The following THSD7B variants were observed in gnomAD, a reference collection of about 807,000 sequenced individuals.
THSD7B encodes the protein thrombospondin type 1 domain containing 7B.
THSD7B carries 138 observed loss-of-function variants against 213.6 expected under a neutral mutation model. That is an observed-to-expected ratio of 0.65 (90% CI 0.56 to 0.74). The LOEUF (loss-of-function observed/expected upper bound fraction) is 0.74, where lower values mean the gene tolerates loss of function less well. THSD7B is among the 30% of genes least tolerant of loss of function. THSD7B has a pLI of 0.00. For synonymous variants in THSD7B, 742 were observed against 687.0 expected, an observed-to-expected ratio of 1.08 and a Z score of -1.25; for missense variants, 1,931 against 1,991.5, an observed-to-expected ratio of 0.97 and a Z score of 0.58.
chr2:137,406,449 TA>T (rs1288036440), intron 13 of THSD7B, among the ~76,000 whole-genome samples: 1 of 152,198 alleles, frequency 6.6e-6, no homozygotes, highest in African/African-American at 2.4e-5. Context: ...CGTGCCTAGA[TA>T]AAAATGCCAC....
chr2:137,184,046 G>A (rs562049773), intron 7 of THSD7B, among the ~76,000 whole-genome samples: 1 of 152,096 alleles, frequency 6.6e-6, no homozygotes, highest in Admixed American at 6.5e-5. Flanking sequence ...CCTGCATGGT[G>A]GTCAGGCATT....
At chr2:137,075,998 T>TG (rs1054262352) in intron 3 of THSD7B, among the ~76,000 whole-genome samples, 2 of 152,136 alleles carry the variant, frequency 1.3e-5, no homozygotes, top group African/African-American at 4.8e-5. Context: ...CTGCCCCTAC[T>TG]GGGGGGTGCC....
At chr2:137,124,753 G>A (rs12477067) in intron 5 of THSD7B, among the ~76,000 whole-genome samples, 23,344 of 151,948 alleles carry the variant, frequency 0.15, 1,989 homozygotes, top group Middle Eastern at 0.19. Context: ...AAAATGTTAT[G>A]TACTTATGGC....
At chr2:136,952,260 C>G (rs1218531680) in intron 2 of THSD7B, among the ~76,000 whole-genome samples, 1 of 151,978 alleles carries the variant, frequency 6.6e-6, no homozygotes, top group East Asian at 1.9e-4. Flanking sequence ...ATTACATTAA[C>G]AAAACATATT....
At chr2:137,560,684 A>T (rs1681094518) in intron 15 of THSD7B, among the ~76,000 whole-genome samples, 1 of 152,124 alleles carries the variant, frequency 6.6e-6, no homozygotes. Flanking sequence ...CACGTTGTGC[A>T]CATGTACCCT....
At chr2:137,183,489 G>T (rs1318562110) in intron 7 of THSD7B, among the ~76,000 whole-genome samples, 1 of 152,134 alleles carries the variant, frequency 6.6e-6, no homozygotes, top group Non-Finnish European at 1.5e-5. Context: ...TACAAATCAT[G>T]ATTGTAAAAA....
chr2:137,115,858 A>C (rs1688439837), intron 5 of THSD7B, among the ~76,000 whole-genome samples: 1 of 152,146 alleles, frequency 6.6e-6, no homozygotes, highest in Admixed American at 6.5e-5. Flanking sequence ...GGATAGTGAT[A>C]ATATTTAGAG....
intron 15 of THSD7B, among the ~76,000 whole-genome samples, chr2:137,540,760 G>A (rs1207857242): frequency 1.3e-5 from 2 of 151,694 alleles, no homozygotes; most frequent in Non-Finnish European, 3.0e-5. Context: ...GTAGCTACCT[G>A]AGATGGTATA....
chr2:137,653,720 G>C (rs2104814754), intron 21 of THSD7B, among the ~76,000 whole-genome samples: 1 of 150,568 alleles, frequency 6.6e-6, no homozygotes, highest in South Asian at 2.1e-4. Context: ...AGCCTCTAAT[G>C]AATTTTTCAG....
intron 5 of THSD7B, among the ~76,000 whole-genome samples, chr2:137,138,851 G>T (rs1412971367): frequency 1.3e-5 from 2 of 152,046 alleles, no homozygotes; most frequent in East Asian, 1.9e-4. Context: ...GAAGATAATT[G>T]TATGTACGTT....
intron 12 of THSD7B, among the ~76,000 whole-genome samples, chr2:137,400,777 G>A (rs1686336058): frequency 6.6e-6 from 1 of 152,218 alleles, no homozygotes; most frequent in Admixed American, 6.5e-5. Context: ...TCTTTCCTGG[G>A]AGAAGTGCTC....
chr2:136,843,463 G>A (rs1440489254), intron 1 of THSD7B, among the ~76,000 whole-genome samples: 1 of 152,008 alleles, frequency 6.6e-6, no homozygotes, highest in Non-Finnish European at 1.5e-5. Context: ...CCATTAAAAT[G>A]GAGAAAAAAA....
chr2:137,512,950 A>T (rs1025538367), intron 15 of THSD7B, among the ~76,000 whole-genome samples: 2 of 152,118 alleles, frequency 1.3e-5, no homozygotes, highest in African/African-American at 4.8e-5. Flanking sequence ...TGGGATAATC[A>T]CTTTGTATCA....
At position 136,807,509 on chromosome 2, in the gene THSD7B, G is replaced by GTTTTTTTTTTTTTTTTTT. The variant is rs777353589; in HGVS notation, c.-36+41838_-36+41839insTTTTTTTTTTTTTTTTTT. The stretch of plus-strand genomic sequence containing the variant: ...ACTTCCTAGCACTACAAAATGTTTC[G>GTTTTTTTTTTTTTTTTTT]TTTTTTTTTTTTTTTTGAGACGGAG... On this transcript the variant is annotated intron_variant, in intron 1 of 27. Coordinates refer to ENST00000409968, the MANE Select transcript of THSD7B (RefSeq NM_001316349.2). Among the ~76,000 whole-genome samples, 44 of 104,878 alleles carry GTTTTTTTTTTTTTTTTTT rather than the reference G, an allele frequency of 4.2e-4. 4 individuals are homozygous for GTTTTTTTTTTTTTTTTTT. Among genetic ancestry groups the GTTTTTTTTTTTTTTTTTT allele is most frequent in the African/African-American group, 8.9e-4 (24 of 27,052 alleles). The allele number at this position is 104,878 out of a possible 152,430, so 68.8% of individuals were successfully genotyped here.
chr2:137,010,919 G>A (rs1686219008), intron 2 of THSD7B, among the ~76,000 whole-genome samples: 1 of 152,192 alleles, frequency 6.6e-6, no homozygotes, highest in Non-Finnish European at 1.5e-5. Context: ...AGCACAATGG[G>A]ATGAGAGTGA....
At chr2:137,526,042 G>A (rs982848533) in intron 15 of THSD7B, among the ~76,000 whole-genome samples, 2 of 151,986 alleles carry the variant, frequency 1.3e-5, no homozygotes, top group African/African-American at 4.8e-5. Flanking sequence ...GCCCCTCCCA[G>A]GCTGACAGCC....
chr2:137,503,208 T>C (rs148115402), intron 15 of THSD7B, among the ~76,000 whole-genome samples: 329 of 152,338 alleles, frequency 2.2e-3, no homozygotes, highest in African/African-American at 7.5e-3. Flanking sequence ...TTACTTTGTA[T>C]ATAGTAAAAT....
intron 10 of THSD7B, among the ~76,000 whole-genome samples, chr2:137,254,976 T>G (rs1682272300): frequency 6.6e-6 from 1 of 152,124 alleles, no homozygotes; most frequent in Admixed American, 6.6e-5. Context: ...ATTTAAACAT[T>G]AGGACCTGTT....
At chr2:136,849,608 A>G (rs1683064392) in intron 1 of THSD7B, among the ~76,000 whole-genome samples, 1 of 152,086 alleles carries the variant, frequency 6.6e-6, no homozygotes, top group African/African-American at 2.4e-5. Flanking sequence ...GGGGGTGGGG[A>G]GTCTGATATA....
Sources: allele counts gnomAD v4.1 joint callset (sites outside exome capture counted in the v4.1 genomes callset), GRCh38; gene constraint gnomAD v4.1.1; transcripts MANE v1.5; gene names NCBI Gene and HGNC (gene_info 2026-07-23, HGNC 2026-07-21).